The following PIEZO2 variants were observed in gnomAD, a reference collection of about 807,000 sequenced individuals.
The protein encoded by PIEZO2 is piezo type mechanosensitive ion channel component 2, also known as piezo-type mechanosensitive ion channel component 2.
PIEZO2 carries 172 observed loss-of-function variants against 337.3 expected under a neutral mutation model. The ratio of observed to expected loss-of-function variants is 0.51; its 90% CI spans 0.45 to 0.58. PIEZO2 has a LOEUF of 0.58. Ranked by LOEUF, PIEZO2 falls within the 20% of genes least tolerant of loss-of-function variation. PIEZO2 has a pLI of 0.00. For synonymous variants in PIEZO2, 1,251 were observed against 1,228.5 expected (o/e 1.02, Z -0.38); for missense variants, 3,028 against 3,391.3 (o/e 0.89, Z 2.66).
chr18:10,698,519 C>T (rs1289794804), intron 44 of PIEZO2, among the ~76,000 whole-genome samples: 1 of 152,172 alleles, frequency 6.6e-6, no homozygotes, highest in Admixed American at 6.6e-5. Context: ...TAGGAAATAA[C>T]CATAGTTTGG....
intron 43 of PIEZO2, 116 bp from the exon 44 acceptor site, chr18:10,699,293 A>G (rs2035233829): frequency 2.1e-6 from 3 of 1,396,678 alleles, no homozygotes; most frequent in Non-Finnish European, 2.9e-6. Context: ...AAGCAAGATG[A>G]TATGGTTTGG....
At chr18:11,064,595 G>A (rs73398587) in intron 2 of PIEZO2, among the ~76,000 whole-genome samples, 4,758 of 152,294 alleles carry the variant, frequency 0.031, 228 homozygotes, top group African/African-American at 0.1. Context: ...ATGAACTGAT[G>A]TCCATAAACC....
At chr18:10,782,221 C>T (rs2039013080) in intron 17 of PIEZO2, among the ~76,000 whole-genome samples, 2 of 125,082 alleles carry the variant, frequency 1.6e-5, no homozygotes, top group Non-Finnish European at 1.6e-5. Flanking sequence ...TTATATATAT[C>T]ATAATATATA....
At chr18:10,777,731 C>T (rs537515487) in intron 18 of PIEZO2, among the ~76,000 whole-genome samples, 19 of 152,278 alleles carry the variant, frequency 1.2e-4, no homozygotes, top group African/African-American at 4.1e-4. Context: ...ATAAACTGCA[C>T]TGACACTGTT....
At chr18:10,882,946 C>A (rs1186395882) in intron 4 of PIEZO2, among the ~76,000 whole-genome samples, 1 of 143,788 alleles carries the variant, frequency 7.0e-6, no homozygotes, top group African/African-American at 2.5e-5. Flanking sequence ...CCAAGCGATT[C>A]TCCTGCCTCA....
In PIEZO2 at chr18:10,670,520, G is replaced by T. The variant is rs967351609; in HGVS notation, c.*1007C>A. ...TCATAATTATGAACTTAAAAAACCCGTCTCAGATGTAAAAATGTGAATTGG... is the reference window on the plus strand; with the variant it reads ...TCATAATTATGAACTTAAAAAACCCTTCTCAGATGTAAAAATGTGAATTGG... On this transcript the variant is annotated 3_prime_UTR_variant, in exon 56 of 56. Transcript: ENST00000674853. 1 of 152,060 alleles carries T rather than the reference G, an allele frequency of 6.6e-6. No individual in the cohort carries two copies. Among genetic ancestry groups the T allele is most frequent in the African/African-American group, 2.4e-5 (1 of 41,398 alleles). 9.4% of individuals were successfully genotyped at this position (152,060 alleles called of 1,614,324 possible).
intron 1 of PIEZO2, among the ~76,000 whole-genome samples, chr18:11,135,704 C>T (rs927672988): frequency 6.6e-6 from 1 of 152,146 alleles, no homozygotes; most frequent in Admixed American, 6.5e-5. Context: ...CGTGCCATCA[C>T]GCCCAGCTAA....
intron 4 of PIEZO2, among the ~76,000 whole-genome samples, chr18:10,876,549 C>T (rs191462386): frequency 1.1e-3 from 167 of 152,258 alleles, no homozygotes; most frequent in African/African-American, 3.8e-3. Flanking sequence ...ATTTGGAAGT[C>T]GGTAAATCTC....
intron 32 of PIEZO2, 39 bp downstream of exon 32, chr18:10,742,455 A>G: frequency 6.5e-7 from 1 of 1,533,764 alleles, no homozygotes; most frequent in Non-Finnish European, 8.7e-7. Context: ...CTATTATTCA[A>G]TGTTAAAACT....
Position 10,726,543 on chromosome 18 carries a change from C to T in PIEZO2, c.5029+4864G>A, listed in dbSNP as rs1242406495. The T allele has an allele frequency of 2.5e-5, 36 of 1,421,646 alleles. No individual in the cohort carries two copies. The highest frequency in any genetic ancestry group is 3.3e-5 in the Non-Finnish European group (35 of 1,073,828). 88.1% of individuals were successfully genotyped at this position (1,421,646 alleles called of 1,614,324 possible). A position where few individuals can be genotyped will look rare whatever the true frequency, so the allele number is the denominator to read the frequency against. ...CGCGCTGCGCTGCTCTGCTCTGCTA[C>T]ACCAGCCGCCACGCTGTGCGTCTGT... On this transcript the variant is annotated intron_variant, in intron 36 of 55. Coordinates refer to ENST00000674853, the MANE Select transcript of PIEZO2 (RefSeq NM_001378183.1). The surrounding 1 kb of genome is among the most constrained non-coding windows in gnomAD (Gnocchi z 5.9).
intron 1 of PIEZO2, among the ~76,000 whole-genome samples, chr18:11,114,947 TAGGCA>T (rs2039844703): frequency 6.6e-6 from 1 of 152,190 alleles, no homozygotes; most frequent in South Asian, 2.1e-4. Flanking sequence ...TTGAACTAAA[TAGGCA>T]AGCAGTGTTG....
chr18:10,949,518 G>C (rs888876646), intron 3 of PIEZO2, among the ~76,000 whole-genome samples: 5 of 152,224 alleles, frequency 3.3e-5, no homozygotes, highest in African/African-American at 4.8e-5. Flanking sequence ...AGCACAAAGT[G>C]AGGTCAGGGT....
At chr18:10,720,328 A>T (rs1408253707) in intron 36 of PIEZO2, among the ~76,000 whole-genome samples, 12 of 127,180 alleles carry the variant, frequency 9.4e-5, no homozygotes, top group South Asian at 2.6e-4. Flanking sequence ...TATATATATA[A>T]TATATATATC....
chr18:10,849,227 G>A (rs1324547553), intron 7 of PIEZO2, among the ~76,000 whole-genome samples: 1 of 152,168 alleles, frequency 6.6e-6, no homozygotes, highest in Non-Finnish European at 1.5e-5. Flanking sequence ...GGCCATGCTG[G>A]TCTCAAACTC....
At position 10,940,019 on chromosome 18, in the gene PIEZO2, A is replaced by T. The variant is rs1735249135; in HGVS notation, c.287-28791T>A. Among the ~76,000 whole-genome samples, 1 of 152,202 alleles carries T rather than the reference A, an allele frequency of 6.6e-6. No individual in the cohort carries two copies. Among genetic ancestry groups the T allele is most frequent in the African/African-American group, 2.4e-5 (1 of 41,440 alleles). ...TATTATGTATACTCTAGGGACATAT[A>T]TATGACTATGTTAGTTCCTTATTAT... On this transcript the variant is annotated intron_variant, in intron 3 of 55. Coordinates refer to ENST00000674853, the MANE Select transcript of PIEZO2 (RefSeq NM_001378183.1). The surrounding 1 kb of genome is among the most constrained non-coding windows in gnomAD (Gnocchi z 5.3).
chr18:10,793,191 G>A (rs1001997889), intron 13 of PIEZO2, among the ~76,000 whole-genome samples: 14 of 152,124 alleles, frequency 9.2e-5, no homozygotes, highest in Non-Finnish European at 1.0e-4. Context: ...CCCGGGAGGC[G>A]GAGCTTGCAG....
At chr18:10,914,678 A>G (rs1255066582) in intron 3 of PIEZO2, among the ~76,000 whole-genome samples, 1 of 152,182 alleles carries the variant, frequency 6.6e-6, no homozygotes, top group African/African-American at 2.4e-5. Context: ...TGTAATTCAT[A>G]GAAGGGATTT....
chr18:10,957,648 A>C (rs1454928447), intron 3 of PIEZO2, among the ~76,000 whole-genome samples: 1 of 152,228 alleles, frequency 6.6e-6, no homozygotes, highest in Non-Finnish European at 1.5e-5. Context: ...AGGCAACAAA[A>C]GCAAAAAATA....
chr18:10,806,093 G>C (rs548502381), intron 8 of PIEZO2, among the ~76,000 whole-genome samples: 2 of 152,334 alleles, frequency 1.3e-5, no homozygotes, highest in South Asian at 2.1e-4. Context: ...TTGACTGGCT[G>C]ACTGATGAAC....
Sources: allele counts gnomAD v4.1 joint callset (sites outside exome capture counted in the v4.1 genomes callset), GRCh38; gene constraint gnomAD v4.1.1; non-coding constraint Gnocchi (gnomAD v3.1); transcripts MANE v1.5; gene names NCBI Gene and HGNC (gene_info 2026-07-23, HGNC 2026-07-21).